Variants in NCAPD3 observed in about 807,000 individuals in gnomAD.
NCAPD3 encodes non-SMC condensin II complex subunit D3, also known as condensin-2 complex subunit D3.
A neutral mutation model predicts 182.9 loss-of-function variants in NCAPD3; 105 were observed. That is an observed-to-expected ratio of 0.57 (90% CI 0.49 to 0.68). NCAPD3 has a LOEUF of 0.68. Among genes scored for constraint, NCAPD3 ranks in the 30% least tolerant of loss-of-function variants. NCAPD3 has a pLI of 0.00. For synonymous variants in NCAPD3, 815 were observed against 679.9 expected, an observed-to-expected ratio of 1.20 and a Z score of -3.09; for missense variants, 1,944 against 1,837.0, an observed-to-expected ratio of 1.06 and a Z score of -1.07.
intron 13 of NCAPD3, among the ~76,000 whole-genome samples, chr11:134,200,624 A>G (rs551830848): frequency 6.6e-6 from 1 of 152,316 alleles, no homozygotes; most frequent in Admixed American, 6.5e-5. Context: ...ATACGTTGCT[A>G]GCAGGATTGT....
chr11:134,161,836 G>T lies in NCAPD3; in HGVS notation c.3629C>A (p.Thr1210Asn). 6.3e-7 allele frequency: 1 copy of T among 1,593,318 alleles called. No homozygotes were observed. The highest frequency in any genetic ancestry group is 8.6e-7 in the Non-Finnish European group (1 of 1,165,332). ...TGGGATCTTATTTTTCTCCAGCACA[G>T]TCTTCAGGGAGATGATAATTGGAAT... Reference protein sequence around the residue: ...NIIPIIISLKTVLEKNKIPAL... With the variant: ...NIIPIIISLKNVLEKNKIPAL... Residue 1210 changes from threonine (T) to asparagine (N), a missense_variant, in exon 28 of 35, where the codon ACT (threonine) becomes AAT (asparagine). By Grantham distance (65) the Thr-to-Asn change is moderately conservative. This residue lies in a region of NCAPD3 where 1,803 missense variants were observed against 1,674.6 expected (regional missense o/e 1.08). Transcript: ENST00000534548.
rs146641064 is a variant in NCAPD3 at position 134,184,621 on chromosome 11, G to C, written c.2451+16C>G. ...TCAAAGAAGTCAGAAACATGTCAGG[G>C]AAAGTCTGGCCATACCTGCTCCTCT... On this transcript the variant is annotated intron_variant, in intron 19 of 34. Transcript: ENST00000534548. 1,181 of 1,556,890 alleles carry C rather than the reference G, an allele frequency of 7.6e-4. 6 individuals are homozygous for C. The African/African-American group carries it at 0.015, about 19-fold the overall frequency.
In NCAPD3 at chr11:134,168,450, C is replaced by CCA; in HGVS notation, c.3373+17_3373+18dup. 2 of 1,613,580 alleles carry CCA rather than the reference C, an allele frequency of 1.2e-6. No individual in the cohort carries two copies. The highest frequency in any genetic ancestry group is 1.7e-6 in the Non-Finnish European group (2 of 1,179,580). ...CATTTGCAAACACACACATTTTCTCCCACACACACTGGGCTTACCCAAAAT... is the reference window on the plus strand; with the variant it reads ...CATTTGCAAACACACACATTTTCTCCCACACACACACTGGGCTTACCCAAAAT... On this transcript the variant is annotated intron_variant, in intron 26 of 34. Coordinates refer to ENST00000534548, the MANE Select transcript of NCAPD3 (RefSeq NM_015261.3).
intron 24 of NCAPD3, among the ~76,000 whole-genome samples, chr11:134,172,441 T>C (rs1011189288): frequency 2.6e-5 from 4 of 152,192 alleles, no homozygotes; most frequent in Admixed American, 2.0e-4. Flanking sequence ...GATTGTTCCA[T>C]GGCTTCACTA....
intron 2 of NCAPD3, among the ~76,000 whole-genome samples, chr11:134,218,315 C>A (rs766640202): frequency 3.3e-4 from 51 of 152,264 alleles, no homozygotes; most frequent in African/African-American, 5.3e-4. Context: ...GCACTCCCTA[C>A]ATGTGACTGC....
At chr11:134,157,131 C>G in intron 31 of NCAPD3, 36 bp from the exon 32 acceptor site, 1 of 1,532,254 alleles carries the variant, frequency 6.5e-7, no homozygotes. Flanking sequence ...CAGAAATACC[C>G]CCAAACAATA....
At position 134,158,431 on chromosome 11, in the gene NCAPD3, G is replaced by A. The variant is rs1943488223; in HGVS notation, c.3932C>T (p.Ala1311Val). Residue 1311 changes from alanine to valine, a missense_variant, in exon 30 of 35, where the codon GCC becomes GTC. Around this residue, in one of 3 missense-constraint regions of NCAPD3, gnomAD observed 1,803 missense variants for 1,674.6 expected, o/e 1.08. Transcript: ENST00000534548. ...AGQENPAMSP[A>V]VSQPCTPRAS... ...CCTGGGTGTGCAGGGCTGGCTCACG[G>A]CAGGTGACATGGCAGGGTTTTCTTG... 6.2e-7 allele frequency: 1 copy of A among 1,614,088 alleles called. No homozygotes were observed. The highest frequency in any genetic ancestry group is 8.5e-7 in the Non-Finnish European group (1 of 1,180,042).
At chr11:134,209,924 C>T (rs754983426) in intron 4 of NCAPD3, among the ~76,000 whole-genome samples, 34 of 152,214 alleles carry the variant, frequency 2.2e-4, no homozygotes, top group African/African-American at 6.3e-4. Context: ...AGTGTGGTGG[C>T]GCATGCCTGT....
At chr11:134,192,473 G>A (rs1160791325) in intron 16 of NCAPD3, among the ~76,000 whole-genome samples, 1 of 152,202 alleles carries the variant, frequency 6.6e-6, no homozygotes, top group African/African-American at 2.4e-5. Context: ...TCAGACAGAT[G>A]CAAAGGAAGT....
At chr11:134,219,130 GAC>G (rs1384314288) in intron 2 of NCAPD3, among the ~76,000 whole-genome samples, 1 of 152,096 alleles carries the variant, frequency 6.6e-6, no homozygotes, top group African/African-American at 2.4e-5. Context: ...TATGCCTCTT[GAC>G]ACTTCCTGCG....
intron 27 of NCAPD3, among the ~76,000 whole-genome samples, chr11:134,163,286 G>T (rs1943643649): frequency 1.3e-5 from 2 of 152,072 alleles, no homozygotes; most frequent in African/African-American, 4.8e-5. Flanking sequence ...AAGTCTATAT[G>T]GAATAACCAG....
In NCAPD3 at chr11:134,150,752, A is replaced by G. The variant is rs1943199265; in HGVS notation, c.*2192T>C. 6.6e-6 allele frequency: 1 copy of G among 152,026 alleles called. No homozygotes were observed. 9.4% of individuals were successfully genotyped at this position (152,026 alleles called of 1,614,324 possible). A position where few individuals can be genotyped will look rare whatever the true frequency, so the allele number is the denominator to read the frequency against. On this transcript the variant is annotated 3_prime_UTR_variant, in exon 35 of 35. Coordinates refer to ENST00000534548, the MANE Select transcript of NCAPD3 (RefSeq NM_015261.3). The stretch of plus-strand genomic sequence containing the variant: ...ACATTTTTAAAAGAAAATGGATCCC[A>G]CTGTTCCTCTTTGCCACAGAGAAAG...
chr11:134,164,819 A>G (rs1943713617), intron 27 of NCAPD3, among the ~76,000 whole-genome samples: 1 of 145,628 alleles, frequency 6.9e-6, no homozygotes. Flanking sequence ...ACACTCATGA[A>G]ATGACCTTAG....
At chr11:134,187,576 G>A (rs996363053) in intron 16 of NCAPD3, among the ~76,000 whole-genome samples, 3 of 152,096 alleles carry the variant, frequency 2.0e-5, no homozygotes, top group African/African-American at 7.2e-5. Flanking sequence ...TTCCTTTCTG[G>A]TAACCCTTAC....
intron 24 of NCAPD3, chr11:134,173,099 G>T: frequency 6.5e-6 from 1 of 154,200 alleles, no homozygotes; most frequent in South Asian, 1.8e-4. Context: ...CTGCAGGAAT[G>T]AGTGGGGTCC....
intron 13 of NCAPD3, among the ~76,000 whole-genome samples, chr11:134,197,809 G>C (rs1020700080): frequency 5.9e-5 from 9 of 152,168 alleles, no homozygotes; most frequent in Non-Finnish European, 1.2e-4. Flanking sequence ...AATAGATGCA[G>C]AGAAAGCATT....
chr11:134,195,206 T>A (rs1944602962), intron 13 of NCAPD3, among the ~76,000 whole-genome samples: 1 of 152,178 alleles, frequency 6.6e-6, no homozygotes, highest in African/African-American at 2.4e-5. Flanking sequence ...GCTCAAGTAA[T>A]CCTCTCTCCT....
At chr11:134,218,738 A>G (rs1282674788) in intron 2 of NCAPD3, among the ~76,000 whole-genome samples, 1 of 152,078 alleles carries the variant, frequency 6.6e-6, no homozygotes, top group Non-Finnish European at 1.5e-5. Context: ...TAATTCCAAA[A>G]ATGTCCCTAG....
rs765355523 is a variant in NCAPD3 at position 134,178,694 on chromosome 11, G to C, written c.2722C>G (p.Pro908Ala). ...GGCATGACAGAACCTCTGACCTGGG[G>C]GGGTGGCTGAGACGCTGGGGCCTCA... ...SSEAPASQPP[P>A]QVRGSVMPSV... The change falls in exon 22 of 35, where the codon CCC (proline) becomes GCC (alanine). Residue 908 changes from proline to alanine, a missense_variant. Pro to Ala is a conservative substitution (Grantham distance 27). Transcript: ENST00000534548. 7 of 1,601,586 alleles carry C rather than the reference G, an allele frequency of 4.4e-6. No individual in the cohort carries two copies. The highest frequency in any genetic ancestry group is 1.1e-5 in the South Asian group (1 of 89,222).
Sources: allele counts gnomAD v4.1 joint callset (sites outside exome capture counted in the v4.1 genomes callset), GRCh38; gene constraint gnomAD v4.1.1; regional missense constraint gnomAD v4.1.1; transcripts MANE v1.5; gene names NCBI Gene and HGNC (gene_info 2026-07-23, HGNC 2026-07-21).